CACNA1E: variants seen among roughly 807,000 people sequenced by gnomAD.
CACNA1E encodes the protein calcium voltage-gated channel subunit alpha1 E.
In CACNA1E, 40 loss-of-function variants were observed where a neutral mutation model predicts 259.2. The ratio of observed to expected loss-of-function variants is 0.15; its 90% CI spans 0.12 to 0.20. The LOEUF is 0.20. Ranked by LOEUF, CACNA1E falls within the 10% of genes least tolerant of loss-of-function variation. The probability of loss-of-function intolerance (pLI) is 1.00; values close to 1 mark genes in which losing one functional copy is unlikely to be tolerated. For synonymous variants in CACNA1E, 1,104 were observed against 1,138.5 expected, an observed-to-expected ratio of 0.97 and a Z score of 0.61; for missense variants, 1,874 against 3,040.1, an observed-to-expected ratio of 0.62 and a Z score of 9.02.
chr1:181,603,300 T>C (rs1653911777), intron 6 of CACNA1E, among the ~76,000 whole-genome samples: 1 of 152,184 alleles, frequency 6.6e-6, no homozygotes, highest in Admixed American at 6.5e-5. Flanking sequence ...ATATTCCCAT[T>C]TTACAGTTGA....
At chr1:181,497,683 T>C (rs1037241258) in intron 1 of CACNA1E, among the ~76,000 whole-genome samples, 12 of 152,332 alleles carry the variant, frequency 7.9e-5, no homozygotes, top group Non-Finnish European at 1.3e-4. Flanking sequence ...CACTGGCTGC[T>C]CTCTTTCCAT....
Position 181,798,807 on chromosome 1 carries a change from T to C in CACNA1E, c.6915T>C (p.Ser2305=). 1 of 1,534,726 alleles carries C rather than the reference T, an allele frequency of 6.5e-7. No individual in the cohort carries two copies. The highest frequency in any genetic ancestry group is 8.8e-7 in the Non-Finnish European group (1 of 1,141,254). ...MMCGAVNNLL[S]DTEEDDKC ...GTGGGGCTGTCAACAACCTGCTAAG[T>C]GACACGGAAGAAGATGACAAATGCT... is the stretch of plus-strand genomic sequence containing the variant. Residue 2305 remains serine, a synonymous_variant, in exon 48 of 48, where the codon AGT becomes AGC. Coordinates refer to ENST00000367573, the MANE Select transcript of CACNA1E (RefSeq NM_001205293.3). The surrounding 1 kb of genome is among the most constrained non-coding windows in gnomAD (Gnocchi z 4.2).
At chr1:181,753,179 T>C (rs1040044328) in intron 27 of CACNA1E, among the ~76,000 whole-genome samples, 5 of 152,170 alleles carry the variant, frequency 3.3e-5, no homozygotes, top group Non-Finnish European at 5.9e-5. Context: ...GCAAGCAGAC[T>C]CAATTCCCTA....
intron 23 of CACNA1E, among the ~76,000 whole-genome samples, 168 bp from the exon 24 acceptor site, chr1:181,738,199 C>G (rs1179044498): frequency 4.6e-5 from 7 of 152,228 alleles, no homozygotes; most frequent in Non-Finnish European, 8.8e-5. Flanking sequence ...TCTGGCATTT[C>G]TCTCTCAGTC....
chr1:181,528,003 A>G (rs945992158), intron 3 of CACNA1E, among the ~76,000 whole-genome samples: 2 of 152,046 alleles, frequency 1.3e-5, no homozygotes, highest in East Asian at 1.9e-4. Flanking sequence ...TGGATTATCA[A>G]ACTCTTGTGG....
chr1:181,498,728 T>TGGCAG (rs1468090894), intron 1 of CACNA1E, among the ~76,000 whole-genome samples: 4 of 152,306 alleles, frequency 2.6e-5, no homozygotes, highest in Non-Finnish European at 5.9e-5. Flanking sequence ...CCTCAATAAG[T>TGGCAG]GGCAGAGCAG....
rs189088109 is a variant in CACNA1E, at chr1:181,554,736, G to T, written c.513-23030G>T. 2.1e-4 allele frequency among the ~76,000 whole-genome samples: 32 copies of T among 152,282 alleles called. No homozygotes were observed. The Middle Eastern group carries it at 0.014, about 65-fold the overall frequency. ...TGAATTCTCCTGGGATTGACAATGAGCTTACTGGTTATCACTGTAGAGTCT... is the reference window on the plus strand; with the variant it reads ...TGAATTCTCCTGGGATTGACAATGATCTTACTGGTTATCACTGTAGAGTCT... On this transcript the variant is annotated intron_variant, in intron 3 of 47. Coordinates refer to ENST00000367573, the MANE Select transcript of CACNA1E (RefSeq NM_001205293.3).
intron 6 of CACNA1E, among the ~76,000 whole-genome samples, chr1:181,631,004 G>C (rs1656679372): frequency 6.6e-6 from 1 of 152,172 alleles, no homozygotes; most frequent in African/African-American, 2.4e-5. Flanking sequence ...CTCTCAGGCA[G>C]CTGGAAGGCC....
chr1:181,323,016 A>AG (rs2102566065), intron 1 of CACNA1E, among the ~76,000 whole-genome samples: 1 of 152,322 alleles, frequency 6.6e-6, no homozygotes, highest in East Asian at 1.9e-4. Flanking sequence ...GGGTAAAAAA[A>AG]TCTAGGGCTG....
chr1:181,596,173 T>A (rs1653136670), intron 6 of CACNA1E, among the ~76,000 whole-genome samples: 1 of 152,136 alleles, frequency 6.6e-6, no homozygotes, highest in Admixed American at 6.5e-5. Flanking sequence ...CCCTTGGTAG[T>A]GGAAGGCATG....
intron 1 of CACNA1E, among the ~76,000 whole-genome samples, chr1:181,406,774 G>A (rs932048417): frequency 1.3e-5 from 2 of 152,222 alleles, no homozygotes; most frequent in African/African-American, 4.8e-5. Context: ...TGGTGAGCGT[G>A]GAGTTGGGAT....
At chr1:181,328,653 A>G (rs1344701820) in intron 1 of CACNA1E, among the ~76,000 whole-genome samples, 1 of 152,128 alleles carries the variant, frequency 6.6e-6, no homozygotes, top group Admixed American at 6.5e-5. Context: ...ATGGATTTTT[A>G]TTAGGAGAAA....
intron 1 of CACNA1E, among the ~76,000 whole-genome samples, chr1:181,368,734 G>C (rs1654469212): frequency 1.3e-5 from 2 of 152,150 alleles, no homozygotes; most frequent in African/African-American, 4.8e-5. Context: ...TATAAACAAA[G>C]CCCCTCGCAC....
chr1:181,526,144 G>A (rs1667342039), intron 3 of CACNA1E, among the ~76,000 whole-genome samples: 2 of 152,148 alleles, frequency 1.3e-5, no homozygotes, highest in South Asian at 4.1e-4. Flanking sequence ...TTAATAGCTG[G>A]TGTTCAGTGC....
intron 16 of CACNA1E, among the ~76,000 whole-genome samples, chr1:181,724,055 T>G (rs867016981): frequency 6.6e-6 from 1 of 152,188 alleles, no homozygotes; most frequent in Non-Finnish European, 1.5e-5. Context: ...CATGCCTTGG[T>G]TTGGTGACCA....
At chr1:181,466,550 A>ACAAAT (rs998463723) in intron 2 of CACNA1E, among the ~76,000 whole-genome samples, 11 of 151,616 alleles carry the variant, frequency 7.3e-5, no homozygotes, top group Non-Finnish European at 1.6e-4. Flanking sequence ...TCTGTCTTAA[A>ACAAAT]CAAAACAAAA....
intron 1 of CACNA1E, among the ~76,000 whole-genome samples, chr1:181,367,986 T>C (rs1463578345): frequency 6.6e-6 from 1 of 152,186 alleles, no homozygotes; most frequent in Non-Finnish European, 1.5e-5. Flanking sequence ...ATCCCAGCAC[T>C]TTGGGAGGCC....
intron 2 of CACNA1E, among the ~76,000 whole-genome samples, chr1:181,434,114 G>C (rs1659914223): frequency 6.6e-6 from 1 of 152,122 alleles, no homozygotes; most frequent in African/African-American, 2.4e-5. Context: ...TTCCTACTTG[G>C]CTCAGACTGG....
At chr1:181,472,510 A>C (rs534815548) in intron 2 of CACNA1E, among the ~76,000 whole-genome samples, 28 of 152,288 alleles carry the variant, frequency 1.8e-4, no homozygotes, top group Admixed American at 9.2e-4. Context: ...AATAAAATTT[A>C]TTTTTTAAAA....
Sources: allele counts gnomAD v4.1 joint callset (sites outside exome capture counted in the v4.1 genomes callset), GRCh38; gene constraint gnomAD v4.1.1; non-coding constraint Gnocchi (gnomAD v3.1); transcripts MANE v1.5; gene names NCBI Gene and HGNC (gene_info 2026-07-23, HGNC 2026-07-21).